Variants in NXN observed in about 807,000 individuals in gnomAD.
NXN encodes nucleoredoxin 1.
Under a neutral mutation model 48.6 loss-of-function variants are expected in NXN, and 16 were observed. The observed-to-expected ratio is 0.33, with a 90% CI of 0.22 to 0.50. NXN has a LOEUF of 0.50. NXN is among the 20% of genes least tolerant of loss of function. The pLI is 0.98. For missense variants in NXN, 492 were observed against 605.5 expected, an observed-to-expected ratio of 0.81 and a Z score of 1.97; for synonymous variants, 281 against 269.6, an observed-to-expected ratio of 1.04 and a Z score of -0.41.
intron 5 of NXN, among the ~76,000 whole-genome samples, chr17:816,516 G>C (rs533953458): frequency 6.6e-6 from 1 of 152,114 alleles, no homozygotes; most frequent in African/African-American, 2.4e-5. Flanking sequence ...TTGGTTTCCA[G>C]ATCCCCTGGG....
chr17:949,933 G>A (rs7221359), intron 1 of NXN, among the ~76,000 whole-genome samples: 4,125 of 152,046 alleles, frequency 0.027, 173 homozygotes, highest in African/African-American at 0.093. Flanking sequence ...CAGCTTCTCG[G>A]GGGCTAACGG....
chr17:934,921 G>A (rs1293514398), intron 1 of NXN, among the ~76,000 whole-genome samples: 4 of 152,104 alleles, frequency 2.6e-5, no homozygotes, highest in Non-Finnish European at 5.9e-5. Context: ...CAAGCGGACT[G>A]TCTGGACAGA....
intron 1 of NXN, among the ~76,000 whole-genome samples, chr17:865,369 C>A (rs1001766972): frequency 2.0e-5 from 3 of 151,960 alleles, no homozygotes; most frequent in Admixed American, 6.6e-5. Flanking sequence ...CAGCCTCCTG[C>A]ATAGCTGGGA....
rs564227370 is a variant in NXN at position 833,655 on chromosome 17, C to G, written c.361-7577G>C. Among the ~76,000 whole-genome samples the G allele has an allele frequency of 1.1e-4, 16 of 152,260 alleles. No individual in the cohort carries two copies. The South Asian group carries it at 3.3e-3, about 32-fold the overall frequency. ...AGCAAAAAGTCAGTGTATAAATTCA[C>G]AGAGTTCATAAATCCCCCTGAAGCC... On this transcript the variant is annotated intron_variant, in intron 1 of 7. Coordinates refer to ENST00000336868, the MANE Select transcript of NXN (RefSeq NM_022463.5).
chr17:873,088 T>C (rs2144812726), intron 1 of NXN, among the ~76,000 whole-genome samples: 1 of 152,338 alleles, frequency 6.6e-6, no homozygotes, highest in East Asian at 1.9e-4. Flanking sequence ...CCCGTCTTCC[T>C]CTGCCTTCAG....
chr17:851,855 G>A (rs759265762), intron 1 of NXN, among the ~76,000 whole-genome samples: 1 of 152,224 alleles, frequency 6.6e-6, no homozygotes, highest in Non-Finnish European at 1.5e-5. Context: ...GATCTGTCTC[G>A]CGTTGCCTGC....
At chr17:967,071 C>G (rs988966387) in intron 1 of NXN, among the ~76,000 whole-genome samples, 1 of 152,096 alleles carries the variant, frequency 6.6e-6, no homozygotes, top group Non-Finnish European at 1.5e-5. Flanking sequence ...GGCCACTCTC[C>G]CTCAGTAATA....
Position 920,212 on chromosome 17 carries a change from T to C in NXN, c.360+59107A>G, listed in dbSNP as rs1348670037. 6.6e-6 allele frequency among the ~76,000 whole-genome samples: 1 copy of C among 151,974 alleles called. No homozygotes were observed. Among genetic ancestry groups the C allele is most frequent in the Non-Finnish European group, 1.5e-5 (1 of 67,994 alleles). On this transcript the variant is annotated intron_variant, in intron 1 of 7. Transcript: ENST00000336868. This position sits in a 1 kb window ranked among gnomAD's most constrained non-coding sequence, Gnocchi z 4.6. ...ATCACGCCCAGTCTACACCCCGAAA[T>C]CCAACATTACAAACTTATCAATGCT...
At chr17:967,659 G>A (rs1413178825) in intron 1 of NXN, among the ~76,000 whole-genome samples, 1 of 152,218 alleles carries the variant, frequency 6.6e-6, no homozygotes, top group Admixed American at 6.5e-5. Context: ...AGGCTTAAGG[G>A]ATACAGCTAC....
chr17:937,438 G>A (rs768591831), intron 1 of NXN, among the ~76,000 whole-genome samples: 13 of 152,174 alleles, frequency 8.5e-5, no homozygotes, highest in African/African-American at 1.9e-4. Flanking sequence ...GGGGCTCTGC[G>A]GTGATCCGTA....
At chr17:807,626 G>T (rs1245057313) in intron 5 of NXN, among the ~76,000 whole-genome samples, 1 of 152,238 alleles carries the variant, frequency 6.6e-6, no homozygotes, top group Non-Finnish European at 1.5e-5. Flanking sequence ...CCGAGGAACG[G>T]CTCCTCCTAA....
chr17:940,090 C>T (rs972465775), intron 1 of NXN, among the ~76,000 whole-genome samples: 8 of 151,920 alleles, frequency 5.3e-5, no homozygotes, highest in East Asian at 1.9e-4. Context: ...CAGGCCACCA[C>T]GCCAGCTAAC....
chr17:900,901 T>C (rs1344817302), intron 1 of NXN, among the ~76,000 whole-genome samples: 2 of 146,354 alleles, frequency 1.4e-5, no homozygotes, highest in Non-Finnish European at 3.0e-5. Flanking sequence ...TATGAAAAGA[T>C]AGATCTGCAT....
intron 1 of NXN, among the ~76,000 whole-genome samples, chr17:977,860 C>T (rs1349628032): frequency 6.6e-6 from 1 of 152,214 alleles, no homozygotes; most frequent in Non-Finnish European, 1.5e-5. Flanking sequence ...CTATATCAAG[C>T]ATGTCAATCA....
intron 1 of NXN, among the ~76,000 whole-genome samples, chr17:836,031 G>A (rs1332563965): frequency 1.1e-4 from 10 of 94,324 alleles, no homozygotes; most frequent in African/African-American, 4.0e-4. Flanking sequence ...CACAGAGGCC[G>A]CAGGGGAAAA....
chr17:860,689 C>T (rs926262419), intron 1 of NXN, among the ~76,000 whole-genome samples: 2 of 152,298 alleles, frequency 1.3e-5, no homozygotes, highest in African/African-American at 2.4e-5. Context: ...CCGCCGCGCC[C>T]GGCCTGCATA....
At chr17:960,640 G>C (rs1597279209) in intron 1 of NXN, among the ~76,000 whole-genome samples, 1 of 152,094 alleles carries the variant, frequency 6.6e-6, no homozygotes, top group South Asian at 2.1e-4. Flanking sequence ...ACCATGCCTG[G>C]CTAATCATTT....
rs1226165268 is a variant in NXN, at chr17:920,753, C to T, written c.360+58566G>A. Among the ~76,000 whole-genome samples, 7 of 151,192 alleles carry T rather than the reference C, an allele frequency of 4.6e-5. No individual in the cohort carries two copies. The highest frequency in any genetic ancestry group is 1.9e-4 in the East Asian group (1 of 5,152). On this transcript the variant is annotated intron_variant, in intron 1 of 7. Transcript: ENST00000336868. The surrounding 1 kb of genome is among the most constrained non-coding windows in gnomAD (Gnocchi z 4.6). Reference sequence around the variant, plus strand: ...TTTTTTTTCCTTTGAAACAGAGTCTCGCCCTGTTGCCCAGGCTGGAGTGCA... The same window carrying T: ...TTTTTTTTCCTTTGAAACAGAGTCTTGCCCTGTTGCCCAGGCTGGAGTGCA...
intron 1 of NXN, among the ~76,000 whole-genome samples, chr17:941,347 C>T (rs1423478464): frequency 7.3e-5 from 10 of 136,962 alleles, no homozygotes; most frequent in Admixed American, 1.5e-4. Context: ...CCACACACCT[C>T]CCTGGATTTA....
Sources: allele counts gnomAD v4.1 joint callset (sites outside exome capture counted in the v4.1 genomes callset), GRCh38; gene constraint gnomAD v4.1.1; non-coding constraint Gnocchi (gnomAD v3.1); transcripts MANE v1.5; gene names NCBI Gene and HGNC (gene_info 2026-07-23, HGNC 2026-07-21).